Variants in NBN observed in about 807,000 individuals in gnomAD.
NBN encodes nibrin, also known as Nijmegen breakage syndrome 1 (nibrin).
A neutral mutation model predicts 90.8 loss-of-function variants in NBN; 88 were observed. That is an observed-to-expected ratio of 0.97 (90% CI 0.82 to 1.16). NBN has a LOEUF of 1.16. Ranked by LOEUF, NBN falls within the 50% of genes most tolerant of loss-of-function variation. The pLI, the probability that NBN is intolerant of heterozygous loss-of-function variation, is 0.00. For synonymous variants in NBN, 328 were observed against 295.1 expected (o/e 1.11, Z -1.14); for missense variants, 894 against 869.6 (o/e 1.03, Z -0.35).
At chr8:89,950,032 A>G (rs777243909) in intron 11 of NBN, among the ~76,000 whole-genome samples, 4 of 152,258 alleles carry the variant, frequency 2.6e-5, no homozygotes, top group African/African-American at 9.6e-5. Flanking sequence ...TGCAAGCTGT[A>G]ACAATCAGGG....
intron 5 of NBN, among the ~76,000 whole-genome samples, chr8:89,977,758 C>T (rs1040530238): frequency 2.0e-5 from 3 of 152,168 alleles, no homozygotes; most frequent in Admixed American, 6.5e-5. Context: ...TTTAACTCAG[C>T]TAGGTAGGTA....
Position 89,934,358 on chromosome 8 carries a change from A to T in NBN, c.*1224T>A. On this transcript the variant is annotated 3_prime_UTR_variant, in exon 16 of 16. Transcript: ENST00000265433. ...TCAATGCCTGTAGTAGAAATTGCAGATTGGCTCACCCAATTTCTGTTCCCT... is the reference window on the plus strand; with the variant it reads ...TCAATGCCTGTAGTAGAAATTGCAGTTTGGCTCACCCAATTTCTGTTCCCT... 4.3e-6 allele frequency: 1 copy of T among 233,036 alleles called. No homozygotes were observed. The highest frequency in any genetic ancestry group is 8.5e-6 in the Non-Finnish European group (1 of 117,892). The allele number at this position is 233,036 out of a possible 1,614,324, so 14.4% of individuals were successfully genotyped here. A position where few individuals can be genotyped will look rare whatever the true frequency, so the allele number is the denominator to read the frequency against.
chr8:89,966,775 A>T (rs1811272084), intron 7 of NBN, among the ~76,000 whole-genome samples: 1 of 152,186 alleles, frequency 6.6e-6, no homozygotes. Context: ...AGCTAGGAGG[A>T]CTTCATGGAA....
At position 89,970,550 on chromosome 8, in the gene NBN, T is replaced by C. The variant is rs2129831599; in HGVS notation, c.710A>G (p.Lys237Arg). The C allele has an allele frequency of 2.5e-6, 4 of 1,613,338 alleles. No homozygotes were observed. In the South Asian group the frequency reaches 4.4e-5, roughly 18 times the overall value. ...TCCAAAGACAACTGCGGAACTCAAT[T>C]TCTTATGCTAAAAATGGAAGGAAAC... ...FIFLNAKQHK[K>R]LSSAVVFGGG... Residue 237 changes from lysine to arginine, a missense_variant, in exon 7 of 16, where the codon AAA becomes AGA. By Grantham distance (26) the Lys-to-Arg change is conservative (BLOSUM62 2). Transcript: ENST00000265433.
intron 5 of NBN, among the ~76,000 whole-genome samples, chr8:89,974,629 G>T (rs981398711): frequency 2.6e-5 from 4 of 152,166 alleles, no homozygotes; most frequent in African/African-American, 9.7e-5. Flanking sequence ...AAGACGTAGA[G>T]GGTACATACA....
At chr8:89,949,959 T>G (rs923664430) in intron 11 of NBN, among the ~76,000 whole-genome samples, 1 of 152,168 alleles carries the variant, frequency 6.6e-6, no homozygotes, top group East Asian at 1.9e-4. Context: ...CAACCCCACA[T>G]TGAGTAAGGT....
At position 89,953,573 on chromosome 8, in the gene NBN, G is replaced by C. The variant is rs876658535; in HGVS notation, c.1516C>G (p.Gln506Glu). 2 of 1,613,630 alleles carry C rather than the reference G, an allele frequency of 1.2e-6. No individual in the cohort carries two copies. The highest frequency in any genetic ancestry group is 2.2e-5 in the East Asian group (1 of 44,854). Residue 506 changes from glutamine (Q) to glutamate (E), a missense_variant, in exon 11 of 16, where the codon CAG becomes GAG. Transcript: ENST00000265433. ...ACAGGCTCATTCTCAGATAGATGCT[G>C]CTCCTTATTTTTCCACAATGAGGGT... Reference protein sequence around the residue: ...ATPSLWKNKEQHLSENEPVDT... With the variant: ...ATPSLWKNKEEHLSENEPVDT...
At chr8:89,962,209 G>C (rs1811020517) in intron 8 of NBN, among the ~76,000 whole-genome samples, 1 of 152,092 alleles carries the variant, frequency 6.6e-6, no homozygotes, top group Non-Finnish European at 1.5e-5. Context: ...AGAATGTTCT[G>C]AATCATGGAC....
At chr8:89,973,541 T>C (rs1330721384) in intron 5 of NBN, among the ~76,000 whole-genome samples, 1 of 152,212 alleles carries the variant, frequency 6.6e-6, no homozygotes, top group African/African-American at 2.4e-5. Flanking sequence ...CATTCATACA[T>C]AGATAATTGA....
chr8:89,982,600 A>G, intron 2 of NBN, 122 bp downstream of exon 2: 1 of 883,928 alleles, frequency 1.1e-6, no homozygotes, highest in East Asian at 2.4e-5. Context: ...AACATTAAAA[A>G]AGTCTACACA....
intron 14 of NBN, chr8:89,937,399 G>GGGGTCAGACCACTGATGA (rs1809742726): frequency 5.7e-6 from 2 of 353,116 alleles, no homozygotes; most frequent in Non-Finnish European, 1.1e-5. Context: ...TCAGTGCTTG[G>GGGGTCAGACCACTGATGA]GGGTCAGACC....
intron 2 of NBN, chr8:89,981,773 G>A (rs1812082453): frequency 1.9e-6 from 1 of 521,484 alleles, no homozygotes; most frequent in Non-Finnish European, 3.4e-6. Flanking sequence ...TAAGTCAGTG[G>A]GGATTCTCCT....
chr8:89,963,283 A>G lies in NBN; in HGVS notation c.994+1127T>C, dbSNP rs375079941. Among the ~76,000 whole-genome samples, 9 of 152,332 alleles carry G rather than the reference A, an allele frequency of 5.9e-5. No individual in the cohort carries two copies. In the East Asian group the frequency reaches 1.3e-3, roughly 23 times the overall value. The stretch of plus-strand genomic sequence containing the variant: ...CTCAGGAGATACACGGACTGACTCC[A>G]TAGTTGCCATTCAATGGACTACAGT... On this transcript the variant is annotated intron_variant, in intron 8 of 15. Transcript: ENST00000265433.
Position 89,937,048 on chromosome 8 carries a change from ACT to A in NBN, c.2210_2211del (p.Glu737ValfsTer4), listed in dbSNP as rs774508816. The A allele has an allele frequency of 6.2e-7, 1 of 1,612,446 alleles. No homozygotes were observed. The highest frequency in any genetic ancestry group is 8.5e-7 in the Non-Finnish European group (1 of 1,179,080). ...MEVQNQHAKE[E>X]SLADDLFRYN... ...TACCTAAAAAGATCATCAGCAAGAGACTCTTCTTTTGCATGTTGATTTTGTAC... is the reference window on the plus strand; with the variant it reads ...TACCTAAAAAGATCATCAGCAAGAGACTTCTTTTGCATGTTGATTTTGTAC... On this transcript the variant is annotated frameshift_variant, in exon 15 of 16. Transcript: ENST00000265433. LOFTEE classifies it high-confidence loss of function.
chr8:89,965,825 T>C (rs1352498364), intron 7 of NBN, among the ~76,000 whole-genome samples: 1 of 152,174 alleles, frequency 6.6e-6, no homozygotes, highest in East Asian at 1.9e-4. Flanking sequence ...AAGGTCTTTT[T>C]GAAATGCTTA....
chr8:89,971,299 A>G lies in NBN; in HGVS notation c.585-9T>C. On this transcript the variant is annotated splice_polypyrimidine_tract_variant and intron_variant, in intron 5 of 15. Transcript: ENST00000265433. ...CAAGAGGTGGGTAAAAACTGTAAAA[A>G]TAATTAAAGTATATTCTAATTATAT... 1 of 1,605,324 alleles carries G rather than the reference A, an allele frequency of 6.2e-7. No individual in the cohort carries two copies. The highest frequency in any genetic ancestry group is 1.3e-5 in the African/African-American group (1 of 74,772).
At position 89,953,264 on chromosome 8, in the gene NBN, G is replaced by T. The variant is rs372012641; in HGVS notation, c.1825C>A (p.Pro609Thr). ...TNDTFSDEAV[P>T]ESSKISQENE... is the part of the protein sequence containing the mutation. ...CTTACAGATATTTTGCTACTTTCTG[G>T]TACTGCTTCATCACTGAAAGTGTCA... Residue 609 changes from proline (P) to threonine (T), a missense_variant, in exon 11 of 16, where the codon CCA becomes ACA. Transcript: ENST00000265433. The T allele has an allele frequency of 6.2e-7, 1 of 1,611,008 alleles. No homozygotes were observed. The highest frequency in any genetic ancestry group is 8.5e-7 in the Non-Finnish European group (1 of 1,177,960).
At chr8:89,965,095 C>A (rs554792130) in intron 7 of NBN, among the ~76,000 whole-genome samples, 1 of 150,666 alleles carries the variant, frequency 6.6e-6, no homozygotes, top group Non-Finnish European at 1.5e-5. Context: ...GCCTGGATGA[C>A]AAAGCGAGAC....
intron 14 of NBN, among the ~76,000 whole-genome samples, chr8:89,942,424 A>G (rs1026725312): frequency 1.5e-4 from 23 of 152,212 alleles, no homozygotes; most frequent in African/African-American, 5.3e-4. Flanking sequence ...TTAATACTCA[A>G]GAAAACCCTA....
Sources: allele counts gnomAD v4.1 joint callset (sites outside exome capture counted in the v4.1 genomes callset), GRCh38; gene constraint gnomAD v4.1.1; transcripts MANE v1.5; gene names NCBI Gene and HGNC (gene_info 2026-07-23, HGNC 2026-07-21).